The following KCNA2 variants were observed in gnomAD, a reference collection of about 807,000 sequenced individuals.
The protein encoded by KCNA2 is potassium voltage-gated channel subfamily A member 2.
A neutral mutation model predicts 33.4 loss-of-function variants in KCNA2; 11 were observed. The ratio of observed to expected loss-of-function variants is 0.33; its 90% CI spans 0.21 to 0.55. The LOEUF (loss-of-function observed/expected upper bound fraction) is 0.55, where lower values mean the gene tolerates loss of function less well. KCNA2 is among the 20% of genes least tolerant of loss of function. KCNA2 has a pLI of 0.93. For missense variants in KCNA2, 291 were observed against 621.6 expected (o/e 0.47, Z 5.66); for synonymous variants, 222 against 231.3 (o/e 0.96, Z 0.37).
At chr1:110,607,419 C>T, upstream of KCNA2, 1 of 152,066 alleles carries the variant, frequency 6.6e-6, no homozygotes, top group South Asian at 1.9e-4. Flanking sequence ...CGCACCGCGC[C>T]ACGCAGCGCC....
chr1:110,602,246 C>G lies in KCNA2; in HGVS notation c.*1037G>C. 1 of 1,533,004 alleles carries G rather than the reference C, an allele frequency of 6.5e-7. No homozygotes were observed. Among genetic ancestry groups the G allele is most frequent in the East Asian group, 2.5e-5 (1 of 40,746 alleles). 95.0% of individuals were successfully genotyped at this position (1,533,004 alleles called of 1,614,324 possible). A position where few individuals can be genotyped will look rare whatever the true frequency, so the allele number is the denominator to read the frequency against. The stretch of plus-strand genomic sequence containing the variant: ...CCATTCCAAATAGTCTATTTTTTTT[C>G]CCCTGATGGAGGGATTTTTGCCTTC... On this transcript the variant is annotated 3_prime_UTR_variant, in exon 3 of 3. Coordinates refer to ENST00000316361, the MANE Select transcript of KCNA2 (RefSeq NM_004974.4).
In KCNA2 at chr1:110,596,793, G is replaced by A; in HGVS notation, c.*6490C>T. ...GCAATCAGGATGTTCCTGTCCCTGA[G>A]GTTTCCCCATCAGTTAACTGAGGTT... On this transcript the variant is annotated 3_prime_UTR_variant, in exon 3 of 3. Transcript: ENST00000316361. 1.0e-6 allele frequency: 1 copy of A among 985,422 alleles called. No homozygotes were observed. Among genetic ancestry groups the A allele is most frequent in the Non-Finnish European group, 1.2e-6 (1 of 829,938 alleles). 61.0% of individuals were successfully genotyped at this position (985,422 alleles called of 1,614,324 possible).
rs937787253 is a variant in KCNA2 at position 110,602,814 on chromosome 1, A to G, written c.*469T>C. ...CACACAGGACTGTGTGTTCTTTTCAATGCAAAAATGAGTATGACCTTTTGA... is the reference window on the plus strand; with the variant it reads ...CACACAGGACTGTGTGTTCTTTTCAGTGCAAAAATGAGTATGACCTTTTGA... On this transcript the variant is annotated 3_prime_UTR_variant, in exon 3 of 3. Transcript: ENST00000316361. 6 of 997,122 alleles carry G rather than the reference A, an allele frequency of 6.0e-6. No homozygotes were observed. In the South Asian group the frequency reaches 2.7e-4, roughly 45 times the overall value. 61.8% of individuals were successfully genotyped at this position (997,122 alleles called of 1,614,324 possible).
At chr1:110,622,013 T>C (rs1570766753) in intron 1 of KCNA2, among the ~76,000 whole-genome samples, 1 of 152,254 alleles carries the variant, frequency 6.6e-6, no homozygotes, top group East Asian at 1.9e-4. Context: ...AGGCCAGCAT[T>C]ACACTTATAC....
At chr1:110,623,987 C>A (rs1285263936) in intron 1 of KCNA2, among the ~76,000 whole-genome samples, 2 of 150,486 alleles carry the variant, frequency 1.3e-5, no homozygotes, top group African/African-American at 4.9e-5. Flanking sequence ...ATATAAAAGA[C>A]TGAGGATAAC....
At chr1:110,630,053 T>C (rs1323778308) in intron 1 of KCNA2, among the ~76,000 whole-genome samples, 1 of 148,270 alleles carries the variant, frequency 6.7e-6, no homozygotes, top group African/African-American at 2.5e-5. Flanking sequence ...TTTGCTCTTG[T>C]TGTCCAGGCT....
chr1:110,606,560 A>C (rs1649637603), upstream of KCNA2: 1 of 152,396 alleles, frequency 6.6e-6, no homozygotes, highest in Non-Finnish European at 1.5e-5. Flanking sequence ...CGCGCAGAGG[A>C]CCAGACCCTC....
rs1368492276 is a variant in KCNA2, at chr1:110,597,693, A to C, written c.*5590T>G. The C allele has an allele frequency of 1.0e-6, 1 of 985,328 alleles. No individual in the cohort carries two copies. Among genetic ancestry groups the C allele is most frequent in the Admixed American group, 6.1e-5 (1 of 16,270 alleles). 61.0% of individuals were successfully genotyped at this position (985,328 alleles called of 1,614,324 possible). The stretch of plus-strand genomic sequence containing the variant: ...CAGAGACTGTGAATGAGCCCCCAGA[A>C]GTCAAGGGCATTATCTGATAATCCA... On this transcript the variant is annotated 3_prime_UTR_variant, in exon 3 of 3. Coordinates refer to ENST00000316361, the MANE Select transcript of KCNA2 (RefSeq NM_004974.4).
rs1287626648 is a variant in KCNA2 at position 110,595,074 on chromosome 1, CAG to C, written c.*8207_*8208del. ...AGAAGCAGGGCTTAGAGGCCTCTCA[CAG>C]AGACTCAGAAAGACACCAGACTGAG... On this transcript the variant is annotated 3_prime_UTR_variant, in exon 3 of 3. Transcript: ENST00000316361. 6 of 985,408 alleles carry C rather than the reference CAG, an allele frequency of 6.1e-6. No homozygotes were observed. The South Asian group carries it at 1.4e-4, about 23-fold the overall frequency. The allele number at this position is 985,408 out of a possible 1,614,324, so 61.0% of individuals were successfully genotyped here.
At position 110,600,463 on chromosome 1, in the gene KCNA2, C is replaced by A; in HGVS notation, c.*2820G>T. 2.0e-6 allele frequency: 2 copies of A among 984,754 alleles called. No individual in the cohort carries two copies. Among genetic ancestry groups the A allele is most frequent in the East Asian group, 1.1e-4 (1 of 8,794 alleles). 61.0% of individuals were successfully genotyped at this position (984,754 alleles called of 1,614,324 possible). ...GTTCTGTGTAAATTCTATATCTGTGCAGAGTGTGCATTTTATATACAATTA... is the reference window on the plus strand; with the variant it reads ...GTTCTGTGTAAATTCTATATCTGTGAAGAGTGTGCATTTTATATACAATTA... On this transcript the variant is annotated 3_prime_UTR_variant, in exon 3 of 3. Transcript: ENST00000316361.
At chr1:110,625,423 G>A (rs1364158640) in intron 1 of KCNA2, among the ~76,000 whole-genome samples, 1 of 152,140 alleles carries the variant, frequency 6.6e-6, no homozygotes, top group African/African-American at 2.4e-5. Flanking sequence ...AATGACTACT[G>A]AGTAGCCACA....
rs12096011 is a variant in KCNA2, at chr1:110,593,985, C to T, written c.*9298G>A. 0.01 allele frequency: 15,698 copies of T among 1,547,722 alleles called. 1,394 individuals are homozygous for T. In the African/African-American group the frequency reaches 0.19, roughly 19 times the overall value. On this transcript the variant is annotated 3_prime_UTR_variant, in exon 3 of 3. Coordinates refer to ENST00000316361, the MANE Select transcript of KCNA2 (RefSeq NM_004974.4). ...ATGACTCCCAACTCCCATGAGTCTT[C>T]CCCGCAAGTCCTGCTCCGCCTTCAG... is the stretch of plus-strand genomic sequence containing the variant.
intron 1 of KCNA2, among the ~76,000 whole-genome samples, chr1:110,623,475 G>A (rs760745243): frequency 6.6e-6 from 1 of 152,208 alleles, no homozygotes; most frequent in Non-Finnish European, 1.5e-5. Context: ...AAACCTCGCT[G>A]AATTAAAAAC....
chr1:110,594,075 C>A lies in KCNA2; in HGVS notation c.*9208G>T. 1 of 1,444,326 alleles carries A rather than the reference C, an allele frequency of 6.9e-7. No homozygotes were observed. The highest frequency in any genetic ancestry group is 1.5e-5 in the South Asian group (1 of 65,704). The allele number at this position is 1,444,326 out of a possible 1,614,324, so 89.5% of individuals were successfully genotyped here. On this transcript the variant is annotated 3_prime_UTR_variant, in exon 3 of 3. Coordinates refer to ENST00000316361, the MANE Select transcript of KCNA2 (RefSeq NM_004974.4). ...CAGTTCCCTTTCGGCATCATCCTTACGAAGCTTTACCATCAGCCTTGGAGT... is the reference window on the plus strand; with the variant it reads ...CAGTTCCCTTTCGGCATCATCCTTAAGAAGCTTTACCATCAGCCTTGGAGT...
chr1:110,616,230 T>G (rs1650060328), intron 1 of KCNA2, among the ~76,000 whole-genome samples: 1 of 152,124 alleles, frequency 6.6e-6, no homozygotes, highest in Non-Finnish European at 1.5e-5. Flanking sequence ...AGATGGGGCA[T>G]CTGTAGCCCC....
intron 1 of KCNA2, among the ~76,000 whole-genome samples, chr1:110,620,055 A>AGC (rs1650205206): frequency 1.4e-5 from 1 of 72,836 alleles, no homozygotes. Context: ...AGCGAGAGCG[A>AGC]GAGAGAGAGA....
At chr1:110,626,438 A>G (rs1047310340) in intron 1 of KCNA2, among the ~76,000 whole-genome samples, 1 of 152,234 alleles carries the variant, frequency 6.6e-6, no homozygotes. Flanking sequence ...TGCACAAAAA[A>G]TACTAGAACG....
At chr1:110,629,497 C>G (rs773889961) in intron 1 of KCNA2, among the ~76,000 whole-genome samples, 1 of 152,194 alleles carries the variant, frequency 6.6e-6, no homozygotes, top group Non-Finnish European at 1.5e-5. Flanking sequence ...ATGCTGTTAA[C>G]GTTTGTAGAC....
intron 1 of KCNA2, among the ~76,000 whole-genome samples, chr1:110,629,283 GATC>G (rs1464035668): frequency 6.6e-6 from 1 of 152,158 alleles, no homozygotes; most frequent in African/African-American, 2.4e-5. Flanking sequence ...ATGGCCCCAA[GATC>G]ATCATTCCAG....
Sources: allele counts gnomAD v4.1 joint callset (sites outside exome capture counted in the v4.1 genomes callset), GRCh38; gene constraint gnomAD v4.1.1; transcripts MANE v1.5; gene names NCBI Gene and HGNC (gene_info 2026-07-23, HGNC 2026-07-21).